ARMC8: variants seen among roughly 807,000 people sequenced by gnomAD.
ARMC8 encodes the protein armadillo repeat-containing protein 8.
A neutral mutation model predicts 99.3 loss-of-function variants in ARMC8; 20 were observed. The observed-to-expected ratio is 0.20, with a 90% CI of 0.14 to 0.29. ARMC8 has a LOEUF of 0.29. ARMC8 is among the 10% of genes least tolerant of loss of function. The pLI is 1.00. For synonymous variants in ARMC8, 263 were observed against 278.3 expected (o/e 0.95, Z 0.55); for missense variants, 569 against 809.5 (o/e 0.70, Z 3.60).
chr3:138,251,137 A>G (rs1295777231), intron 12 of ARMC8, among the ~76,000 whole-genome samples: 1 of 151,954 alleles, frequency 6.6e-6, no homozygotes, highest in Non-Finnish European at 1.5e-5. Context: ...ACTGCACTAC[A>G]GCCTAGGTGA....
rs2046821539 is a variant in ARMC8, at chr3:138,245,084, A to G, written c.1039-4A>G. ...GTTGGAACATATCCTTTTTTTCCCCATAGCTTGATCATGATTTAAAACATG... is the reference window on the plus strand; with the variant it reads ...GTTGGAACATATCCTTTTTTTCCCCGTAGCTTGATCATGATTTAAAACATG... On this transcript the variant is annotated splice_polypyrimidine_tract_variant and splice_region_variant and intron_variant, in intron 11 of 21. Transcript: ENST00000469044. 3.7e-6 allele frequency: 6 copies of G among 1,613,136 alleles called. No individual in the cohort carries two copies. The highest frequency in any genetic ancestry group is 3.3e-5 in the Admixed American group (2 of 59,822).
intron 19 of ARMC8, chr3:138,287,816 T>A: frequency 2.6e-6 from 1 of 378,614 alleles, no homozygotes; most frequent in Non-Finnish European, 5.3e-6. Flanking sequence ...ATTTTGCCAT[T>A]GATACTCTCT....
At chr3:138,232,245 G>A (rs1008743881) in intron 6 of ARMC8, among the ~76,000 whole-genome samples, 1 of 151,742 alleles carries the variant, frequency 6.6e-6, no homozygotes, top group African/African-American at 2.4e-5. Context: ...CAAAGTGCTG[G>A]GATTACAGAC....
chr3:138,271,813 T>G (rs77717198), intron 16 of ARMC8, among the ~76,000 whole-genome samples: 1 of 150,996 alleles, frequency 6.6e-6, no homozygotes, highest in Non-Finnish European at 1.5e-5. Context: ...TTTTTTTTTT[T>G]GATACAGAGT....
chr3:138,266,705 C>T (rs967630567), intron 14 of ARMC8, among the ~76,000 whole-genome samples: 1 of 152,170 alleles, frequency 6.6e-6, no homozygotes, highest in Non-Finnish European at 1.5e-5. Flanking sequence ...CCTGCCTATG[C>T]AGTAGTAGCC....
intron 1 of ARMC8, among the ~76,000 whole-genome samples, chr3:138,189,173 G>A (rs1018249450): frequency 6.6e-6 from 1 of 151,654 alleles, no homozygotes; most frequent in African/African-American, 2.4e-5. Context: ...TCACTTCCTT[G>A]GTAAATAATA....
At chr3:138,233,827 C>T (rs1396926295) in intron 6 of ARMC8, among the ~76,000 whole-genome samples, 1 of 152,128 alleles carries the variant, frequency 6.6e-6, no homozygotes, top group African/African-American at 2.4e-5. Context: ...GATAGCCAAC[C>T]TTTGTGATAT....
chr3:138,279,782 A>G (rs1234349678), intron 18 of ARMC8, among the ~76,000 whole-genome samples: 1 of 152,138 alleles, frequency 6.6e-6, no homozygotes, highest in Non-Finnish European at 1.5e-5. Flanking sequence ...TCTTTCAAGG[A>G]ATTTGTTCAT....
intron 12 of ARMC8, chr3:138,246,742 G>A (rs183196100): frequency 1.5e-3 from 1,456 of 985,358 alleles, no homozygotes; most frequent in Non-Finnish European, 1.6e-3. Flanking sequence ...GTGATATCAT[G>A]TTCTAGAAAT....
rs1263016136 is a variant in ARMC8 at position 138,221,985 on chromosome 3, G to C, written c.182G>C (p.Gly61Ala). 3.1e-6 allele frequency: 5 copies of C among 1,613,182 alleles called. No individual in the cohort carries two copies. Among genetic ancestry groups the C allele is most frequent in the Non-Finnish European group, 3.4e-6 (4 of 1,179,414 alleles). ...NKQKANLIVL[G>A]AVPRLLYLLQ... Reference sequence around the variant, plus strand: ...CAGAAAGCCAATCTCATTGTTTTAGGAGCTGTTCCAAGGTATGTTTGCTGT... The same window carrying C: ...CAGAAAGCCAATCTCATTGTTTTAGCAGCTGTTCCAAGGTATGTTTGCTGT... The change falls in exon 3 of 22, where the codon GGA becomes GCA. Residue 61 changes from glycine to alanine, a missense_variant. Around this residue, in one of 2 missense-constraint regions of ARMC8, gnomAD observed 342 missense variants for 391.6 expected, o/e 0.87. Coordinates refer to ENST00000469044, the MANE Select transcript of ARMC8 (RefSeq NM_001363941.2).
intron 2 of ARMC8, among the ~76,000 whole-genome samples, chr3:138,211,078 T>C (rs1057351926): frequency 1.1e-4 from 16 of 152,156 alleles, no homozygotes; most frequent in African/African-American, 2.9e-4. Context: ...TTTAGACTAG[T>C]TTAATTATTA....
At chr3:138,241,234 C>T (rs2046604374) in intron 10 of ARMC8, among the ~76,000 whole-genome samples, 1 of 152,122 alleles carries the variant, frequency 6.6e-6, no homozygotes. Flanking sequence ...ATTTCAGTTG[C>T]ATTATAGTAG....
rs116421072 is a variant in ARMC8, at chr3:138,200,737, C to T, written c.46-9080C>T. ...TTTTCTCACCTCCACTTCCATCTCCCCTCCAGTGTGTGACAGTGTATAGTA... is the reference window on the plus strand; with the variant it reads ...TTTTCTCACCTCCACTTCCATCTCCTCTCCAGTGTGTGACAGTGTATAGTA... On this transcript the variant is annotated intron_variant, in intron 1 of 21. Transcript: ENST00000469044. Among the ~76,000 whole-genome samples, 768 of 152,144 alleles carry T rather than the reference C, an allele frequency of 5.0e-3. 6 individuals are homozygous for T. Among genetic ancestry groups the T allele is most frequent in the African/African-American group, 0.018 (738 of 41,498 alleles).
chr3:138,272,816 G>T lies in ARMC8; in HGVS notation c.1480-151G>T, dbSNP rs2048919462. On this transcript the variant is annotated intron_variant, in intron 16 of 21. Coordinates refer to ENST00000469044, the MANE Select transcript of ARMC8 (RefSeq NM_001363941.2). ...GAACCCGGGAGGCAGAGGTTGCAGT[G>T]AGCCGTTATTGTGCCACTGCACACC... 5.2e-6 allele frequency: 3 copies of T among 572,766 alleles called. No individual in the cohort carries two copies. In the Admixed American group the frequency reaches 1.2e-4, roughly 24 times the overall value. The allele number at this position is 572,766 out of a possible 1,614,324, so 35.5% of individuals were successfully genotyped here. A position where few individuals can be genotyped will look rare whatever the true frequency, so the allele number is the denominator to read the frequency against.
At chr3:138,244,984 C>T (rs2046815742) in intron 11 of ARMC8, 104 bp from the exon 12 acceptor site, 1 of 1,395,662 alleles carries the variant, frequency 7.2e-7, no homozygotes, top group Admixed American at 2.3e-5. Context: ...GGGAAATTCA[C>T]TAAAATCTAA....
Position 138,236,287 on chromosome 3 carries a change from C to G in ARMC8, c.610-1022C>G, listed in dbSNP as rs73867047. On this transcript the variant is annotated intron_variant, in intron 7 of 21. Transcript: ENST00000469044. ...ATATACTGAAAGGTACCTCCTCTTT[C>G]CTGTGCCATGCAAAGGCTAAACCAG... 5.4e-3 allele frequency among the ~76,000 whole-genome samples: 828 copies of G among 152,302 alleles called. 12 individuals carry two copies. Among genetic ancestry groups the G allele is most frequent in the African/African-American group, 0.018 (763 of 41,552 alleles).
chr3:138,214,032 G>T (rs1447327410), intron 2 of ARMC8, among the ~76,000 whole-genome samples: 1 of 151,784 alleles, frequency 6.6e-6, no homozygotes, highest in East Asian at 1.9e-4. Context: ...CGTGCCTGTA[G>T]TCCCCACTAC....
rs530556276 is a variant in ARMC8, at chr3:138,193,528, A to G, written c.45+5929A>G. ...TGATCTGCCCACCTTGGCCTCCCCA[A>G]GTGTTGAGATCATAGGCGTGAGCCA... On this transcript the variant is annotated intron_variant, in intron 1 of 21. Coordinates refer to ENST00000469044, the MANE Select transcript of ARMC8 (RefSeq NM_001363941.2). 4.6e-4 allele frequency among the ~76,000 whole-genome samples: 70 copies of G among 152,204 alleles called. 1 individual carries two copies. Among genetic ancestry groups the G allele is most frequent in the African/African-American group, 1.7e-3 (70 of 41,528 alleles).
At chr3:138,190,006 C>G (rs970895946) in intron 1 of ARMC8, among the ~76,000 whole-genome samples, 1 of 152,088 alleles carries the variant, frequency 6.6e-6, no homozygotes, top group Non-Finnish European at 1.5e-5. Context: ...AGCTCTGTTG[C>G]TTCTTTATTC....
Sources: allele counts gnomAD v4.1 joint callset (sites outside exome capture counted in the v4.1 genomes callset), GRCh38; gene constraint gnomAD v4.1.1; regional missense constraint gnomAD v4.1.1; transcripts MANE v1.5; gene names NCBI Gene and HGNC (gene_info 2026-07-23, HGNC 2026-07-21).